GRIN2A: variants seen among roughly 807,000 people sequenced by gnomAD.
GRIN2A encodes the protein glutamate receptor ionotropic, NMDA 2A.
Under a neutral mutation model 113.4 loss-of-function variants are expected in GRIN2A, and 22 were observed. That is an observed-to-expected ratio of 0.19 (90% CI 0.14 to 0.28). GRIN2A has a LOEUF of 0.28. Among genes scored for constraint, GRIN2A ranks in the 10% least tolerant of loss-of-function variants. The pLI is 1.00. For synonymous variants in GRIN2A, 827 were observed against 738.4 expected (o/e 1.12, Z -1.94); for missense variants, 1,502 against 1,887.0 (o/e 0.80, Z 3.78).
At chr16:10,124,868 C>T (rs4782267) in intron 2 of GRIN2A, among the ~76,000 whole-genome samples, 3 of 151,962 alleles carry the variant, frequency 2.0e-5, no homozygotes, top group East Asian at 1.9e-4. Flanking sequence ...AGGACTGTCA[C>T]GAAGCCCTCT....
chr16:10,105,671 T>C (rs1169214479), intron 2 of GRIN2A, among the ~76,000 whole-genome samples: 1 of 151,936 alleles, frequency 6.6e-6, no homozygotes, highest in African/African-American at 2.4e-5. Flanking sequence ...GGAGGCTGAG[T>C]TGAGGTGGGC....
At chr16:10,097,661 G>T (rs1177127981) in intron 2 of GRIN2A, among the ~76,000 whole-genome samples, 3 of 152,160 alleles carry the variant, frequency 2.0e-5, no homozygotes, top group Non-Finnish European at 4.4e-5. Flanking sequence ...TGGGGACAGG[G>T]ATGGCTGATA....
chr16:9,880,059 C>A (rs1342236434), intron 4 of GRIN2A, among the ~76,000 whole-genome samples: 2 of 152,176 alleles, frequency 1.3e-5, no homozygotes, highest in Non-Finnish European at 2.9e-5. Flanking sequence ...CACAGTTCTG[C>A]AGGTCAGAAG....
chr16:10,080,879 C>T (rs1208046847), intron 2 of GRIN2A, among the ~76,000 whole-genome samples: 2 of 152,182 alleles, frequency 1.3e-5, no homozygotes, highest in African/African-American at 4.8e-5. Context: ...CATCTCCACC[C>T]TCCAAGCTCA....
At chr16:9,912,998 C>G (rs1876207960) in intron 3 of GRIN2A, among the ~76,000 whole-genome samples, 1 of 152,248 alleles carries the variant, frequency 6.6e-6, no homozygotes, top group South Asian at 2.1e-4. Flanking sequence ...CCTCGCCATA[C>G]ATTGCAGAAA....
intron 2 of GRIN2A, among the ~76,000 whole-genome samples, chr16:10,160,660 C>A (rs1485446890): frequency 6.6e-6 from 1 of 152,186 alleles, no homozygotes. Flanking sequence ...TTAATGAATT[C>A]TTCTAACCGG....
At chr16:9,782,898 G>A (rs1027612317) in intron 11 of GRIN2A, among the ~76,000 whole-genome samples, 3 of 152,156 alleles carry the variant, frequency 2.0e-5, no homozygotes, top group Non-Finnish European at 4.4e-5. Flanking sequence ...AAATAAACAA[G>A]TCTAATTTTT....
Position 9,923,818 on chromosome 16 carries a change from TTTCA to T in GRIN2A, c.1007+14137_1007+14140del, listed in dbSNP as rs201344960. On this transcript the variant is annotated intron_variant, in intron 3 of 12. Transcript: ENST00000330684. ...AAAAGTAATTTATCTTTTAAAATGA[TTTCA>T]TTGTTTAAAAATCCTCATGTGAGGC... Among the ~76,000 whole-genome samples, 690 of 152,116 alleles carry T rather than the reference TTTCA, an allele frequency of 4.5e-3. 12 individuals are homozygous for T. The highest frequency in any genetic ancestry group is 0.016 in the African/African-American group (660 of 41,514).
chr16:9,862,736 T>C (rs974918387), intron 4 of GRIN2A, among the ~76,000 whole-genome samples: 1 of 152,172 alleles, frequency 6.6e-6, no homozygotes, highest in Admixed American at 6.5e-5. Context: ...GTGTTTTCTC[T>C]CTTTTGGTTC....
At chr16:10,083,837 C>G (rs2048033020) in intron 2 of GRIN2A, among the ~76,000 whole-genome samples, 1 of 152,180 alleles carries the variant, frequency 6.6e-6, no homozygotes, top group Non-Finnish European at 1.5e-5. Flanking sequence ...TGTGGTGGCT[C>G]ATGCCTGTAG....
intron 2 of GRIN2A, among the ~76,000 whole-genome samples, chr16:10,049,112 C>G (rs908022737): frequency 6.6e-6 from 1 of 152,018 alleles, no homozygotes. Flanking sequence ...ACTGAAATTA[C>G]CCTTCCAAAG....
intron 2 of GRIN2A, among the ~76,000 whole-genome samples, chr16:10,148,638 C>T (rs770427554): frequency 6.6e-6 from 1 of 152,184 alleles, no homozygotes; most frequent in Non-Finnish European, 1.5e-5. Context: ...CAAATGTCAA[C>T]TCCATCCAGC....
At chr16:9,847,321 C>T (rs1303714991) in intron 5 of GRIN2A, among the ~76,000 whole-genome samples, 2 of 151,860 alleles carry the variant, frequency 1.3e-5, no homozygotes, top group Non-Finnish European at 2.9e-5. Context: ...ACTCAGGAGG[C>T]CAAGGCATGA....
rs755207993 is a variant in GRIN2A, at chr16:9,764,892, G to A, written c.2652C>T (p.Asp884=). The A allele has an allele frequency of 1.7e-5, 27 of 1,614,020 alleles. No homozygotes were observed. Among genetic ancestry groups the A allele is most frequent in the African/African-American group, 2.7e-5 (2 of 74,938 alleles). ...TGCTCTGGGATCCCGTCAGATTGAAGTCTGGAGACTTCTTCTTTTCTTCAA... is the reference window on the plus strand; with the variant it reads ...TGCTCTGGGATCCCGTCAGATTGAAATCTGGAGACTTCTTCTTTTCTTCAA... ...VHIEEKKKSP[D]FNLTGSQSNM... is the part of the protein sequence containing the mutation. Residue 884 remains aspartate (D), a synonymous_variant, in exon 13 of 13, where the codon GAC becomes GAT. Transcript: ENST00000330684.
chr16:10,096,573 C>CACACACACACACACACACACAT (rs1555478915), intron 2 of GRIN2A, among the ~76,000 whole-genome samples: 5 of 149,266 alleles, frequency 3.3e-5, no homozygotes, highest in African/African-American at 1.2e-4. Flanking sequence ...CACACACACA[C>CACACACACACACACACACACAT]TTTACTCTCT....
chr16:9,794,942 G>C (rs927878408), intron 11 of GRIN2A, among the ~76,000 whole-genome samples: 6 of 152,098 alleles, frequency 3.9e-5, no homozygotes, highest in Non-Finnish European at 8.8e-5. Flanking sequence ...ATGAAGAGGA[G>C]GAGGAGGGTG....
intron 10 of GRIN2A, among the ~76,000 whole-genome samples, chr16:9,808,100 C>T (rs78103310): frequency 0.017 from 2,532 of 152,298 alleles, 79 homozygotes; most frequent in African/African-American, 0.058. Context: ...GCAGATTTCA[C>T]GAAGCATAGC....
chr16:9,785,442 G>A (rs1170457212), intron 11 of GRIN2A, among the ~76,000 whole-genome samples: 1 of 112,786 alleles, frequency 8.9e-6, no homozygotes, highest in Non-Finnish European at 1.7e-5. Flanking sequence ...ACTGTTGTGG[G>A]GTGGGGGGAG....
At chr16:9,801,046 G>A (rs1903331643) in intron 10 of GRIN2A, among the ~76,000 whole-genome samples, 1 of 152,164 alleles carries the variant, frequency 6.6e-6, no homozygotes, top group South Asian at 2.1e-4. Context: ...TTGGATTTCT[G>A]GTTTCTCCTC....
Sources: allele counts gnomAD v4.1 joint callset (sites outside exome capture counted in the v4.1 genomes callset), GRCh38; gene constraint gnomAD v4.1.1; transcripts MANE v1.5; gene names NCBI Gene and HGNC (gene_info 2026-07-23, HGNC 2026-07-21).